The following CD99 variants were observed in gnomAD, a reference collection of about 807,000 sequenced individuals.
CD99 encodes the protein CD99 antigen.
In CD99, 19 loss-of-function variants were observed where a neutral mutation model predicts 28.4. The ratio of observed to expected loss-of-function variants is 0.67; its 90% confidence interval spans 0.47 to 0.98. The LOEUF (loss-of-function observed/expected upper bound fraction) is 0.98, where lower values mean the gene tolerates loss of function less well. Among genes scored for constraint, CD99 ranks in the 50% least tolerant of loss-of-function variants. The pLI, the probability that CD99 is intolerant of heterozygous loss-of-function variation, is 0.00. For missense variants in CD99, 283 were observed against 248.8 expected (o/e 1.14, Z -0.92); for synonymous variants, 103 against 92.1 (o/e 1.12, Z -0.67).
chrX:2,702,611 G>A (rs1399816953), intron 1 of CD99, among the ~76,000 whole-genome samples: 1 of 151,760 alleles, frequency 6.6e-6, no homozygotes, highest in South Asian at 2.1e-4. Context: ...TTTTAGGTTC[G>A]GGGATACATG....
At chrX:2,700,400 T>A (rs1204364954) in intron 1 of CD99, among the ~76,000 whole-genome samples, 1 of 151,702 alleles carries the variant, frequency 6.6e-6, no homozygotes, top group Non-Finnish European at 1.5e-5. Flanking sequence ...CAGCCATGCA[T>A]CCTCCTTTTA....
At chrX:2,719,545 T>C (rs2048896805) in intron 3 of CD99, 116 bp from the exon 4 acceptor site, 1 of 824,568 alleles carries the variant, frequency 1.2e-6, no homozygotes, top group Non-Finnish European at 2.1e-6. Context: ...CAAGCTGATA[T>C]TCAGAAAAGT....
chrX:2,728,135 G>A (rs1396082997), intron 8 of CD99, among the ~76,000 whole-genome samples: 9 of 151,734 alleles, frequency 5.9e-5, no homozygotes, highest in African/African-American at 2.2e-4. Flanking sequence ...GTTTTGGGCA[G>A]TGCGTGGAAG....
intron 6 of CD99, among the ~76,000 whole-genome samples, chrX:2,722,957 C>T (rs1474355652): frequency 6.6e-6 from 1 of 152,240 alleles, no homozygotes; most frequent in Non-Finnish European, 1.5e-5. Context: ...TCACCACCTC[C>T]TCACCCATCC....
In CD99 at chrX:2,740,988, A is replaced by C; in HGVS notation, c.*184A>C. 1 of 711,892 alleles carries C rather than the reference A, an allele frequency of 1.4e-6. No individual in the cohort carries two copies. The highest frequency in any genetic ancestry group is 2.5e-6 in the Non-Finnish European group (1 of 407,372). The allele number at this position is 711,892 out of a possible 1,614,324, so 44.1% of individuals were successfully genotyped here. On this transcript the variant is annotated 3_prime_UTR_variant, in exon 10 of 10. Transcript: ENST00000381192. The stretch of plus-strand genomic sequence containing the variant: ...GGCGGATGATGTTTACTAACGATGA[A>C]TTTTACATCCAAAGGGGGATAGGCA...
At chrX:2,708,074 A>G (rs1324737920) in intron 1 of CD99, among the ~76,000 whole-genome samples, 2 of 152,150 alleles carry the variant, frequency 1.3e-5, no homozygotes, top group African/African-American at 2.4e-5. Context: ...CTTCAAGCCA[A>G]TAGCACGTGC....
chrX:2,696,769 T>TA, intron 1 of CD99, among the ~76,000 whole-genome samples: 1 of 152,206 alleles, frequency 6.6e-6, no homozygotes, highest in Non-Finnish European at 1.5e-5. Flanking sequence ...TTCACATCTC[T>TA]AGAGACCAGA....
In CD99 at chrX:2,723,303, T is replaced by G; in HGVS notation, c.311-11T>G. The G allele has an allele frequency of 6.2e-7, 1 of 1,613,916 alleles. No individual in the cohort carries two copies. ...AACCTTCCCATTGCAGACGTTGTTT[T>G]TGTCTTGCAGGAAAAGGAGGCAGTG... On this transcript the variant is annotated splice_polypyrimidine_tract_variant and intron_variant, in intron 6 of 9. Transcript: ENST00000381192.
intron 8 of CD99, among the ~76,000 whole-genome samples, chrX:2,736,441 C>T (rs930901224): frequency 2.0e-5 from 3 of 152,066 alleles, no homozygotes; most frequent in African/African-American, 7.2e-5. Context: ...ATCTGTGCAT[C>T]TCTTACGCGT....
At chrX:2,733,584 A>G (rs1328012442) in intron 8 of CD99, 26 of 561,404 alleles carry the variant, frequency 4.6e-5, no homozygotes, top group Non-Finnish European at 8.4e-5. Context: ...GAAGCTCATT[A>G]TAGCAAATCA....
chrX:2,702,554 C>T (rs1333334469), intron 1 of CD99, among the ~76,000 whole-genome samples: 2 of 152,052 alleles, frequency 1.3e-5, no homozygotes, highest in Non-Finnish European at 2.9e-5. Context: ...ATTTGTCATC[C>T]CCACATCAAT....
intron 1 of CD99, among the ~76,000 whole-genome samples, chrX:2,710,478 T>A (rs1569433596): frequency 1.3e-5 from 2 of 148,692 alleles, no homozygotes; most frequent in African/African-American, 5.1e-5. Context: ...AGGGTTACAC[T>A]TAAAATAATA....
chrX:2,703,912 T>TG (rs1473365187), intron 1 of CD99, among the ~76,000 whole-genome samples: 1 of 152,000 alleles, frequency 6.6e-6, no homozygotes, highest in African/African-American at 2.4e-5. Context: ...CATCTGCCTG[T>TG]GGAAGGGGTG....
chrX:2,727,198 C>T, intron 8 of CD99: 1 of 727,782 alleles, frequency 1.4e-6, no homozygotes, highest in South Asian at 1.5e-5. Context: ...ACCGAAAACC[C>T]ACAGGCACCC....
chrX:2,738,341 G>A (rs1330191616), intron 9 of CD99, 85 bp downstream of exon 9: 2 of 1,316,300 alleles, frequency 1.5e-6, no homozygotes, highest in African/African-American at 1.5e-5. Flanking sequence ...TTGCTGTCCT[G>A]CTCACATTCT....
intron 1 of CD99, among the ~76,000 whole-genome samples, chrX:2,698,539 T>C (rs1015942694): frequency 6.6e-6 from 1 of 151,992 alleles, no homozygotes; most frequent in Non-Finnish European, 1.5e-5. Context: ...TGATCTCAGC[T>C]CACTGCAGCC....
intron 1 of CD99, among the ~76,000 whole-genome samples, chrX:2,713,272 C>T (rs1182286238): frequency 6.6e-6 from 1 of 151,878 alleles, no homozygotes; most frequent in Non-Finnish European, 1.5e-5. Flanking sequence ...CATATGCACA[C>T]ACAAACCCAC....
intron 1 of CD99, among the ~76,000 whole-genome samples, chrX:2,700,932 CCCAACCATCCATCCATACCT>C (rs2047829809): frequency 6.7e-6 from 1 of 148,234 alleles, no homozygotes; most frequent in African/African-American, 2.5e-5. Context: ...CATCCATCCA[CCCAACCATCCATCCATACCT>C]CCATCCGTCT....
chrX:2,722,538 G>A (rs1048426409), intron 5 of CD99, 89 bp from the exon 6 acceptor site: 36 of 1,148,808 alleles, frequency 3.1e-5, no homozygotes, highest in Non-Finnish European at 3.6e-5. Context: ...TGAACAGGCC[G>A]GTTTTCATGA....
Sources: allele counts gnomAD v4.1 joint callset (sites outside exome capture counted in the v4.1 genomes callset), GRCh38; gene constraint gnomAD v4.1.1; transcripts MANE v1.5; gene names NCBI Gene and HGNC (gene_info 2026-07-23, HGNC 2026-07-21).